Variants in MBD5 observed in about 807,000 individuals in gnomAD.
MBD5 encodes the protein methyl-CpG binding domain protein 5, also known as methyl-CpG-binding domain protein 5.
A neutral mutation model predicts 117.3 loss-of-function variants in MBD5; 13 were observed. The observed-to-expected ratio is 0.11, with a 90% CI of 0.07 to 0.18. The LOEUF is 0.18. MBD5 is among the 10% of genes least tolerant of loss of function. MBD5 has a pLI of 1.00. For synonymous variants in MBD5, 727 were observed against 766.4 expected (o/e 0.95, Z 0.85); for missense variants, 1,879 against 2,093.8 (o/e 0.90, Z 2.00).
At chr2:148,232,914 C>T (rs1018924334) in intron 2 of MBD5, among the ~76,000 whole-genome samples, 3 of 151,968 alleles carry the variant, frequency 2.0e-5, no homozygotes, top group African/African-American at 7.2e-5. Context: ...AGGGAAAGAG[C>T]CCCAGCTAGA....
At chr2:148,175,741 T>C (rs908868802) in intron 1 of MBD5, among the ~76,000 whole-genome samples, 1 of 152,222 alleles carries the variant, frequency 6.6e-6, no homozygotes, top group Non-Finnish European at 1.5e-5. Flanking sequence ...GGATAACTTA[T>C]GTAATCTATG....
chr2:148,412,957 C>A (rs1290759212), intron 4 of MBD5, among the ~76,000 whole-genome samples: 1 of 152,074 alleles, frequency 6.6e-6, no homozygotes. Flanking sequence ...ATTTCTTTCT[C>A]TTGCCTGATT....
At chr2:148,256,521 G>T (rs1381717672) in intron 3 of MBD5, among the ~76,000 whole-genome samples, 1 of 152,244 alleles carries the variant, frequency 6.6e-6, no homozygotes, top group African/African-American at 2.4e-5. Context: ...TAACCACAAA[G>T]TTAAGCCTTG....
At position 148,498,536 on chromosome 2, in the gene MBD5, C is replaced by A. The variant is rs188778198; in HGVS notation, c.4963-3900C>A. 5.6e-3 allele frequency among the ~76,000 whole-genome samples: 850 copies of A among 152,242 alleles called. 4 individuals are homozygous for A. Among genetic ancestry groups the A allele is most frequent in the Non-Finnish European group, 8.8e-3 (600 of 68,024 alleles). ...TATTTTTAGTAAAGACAGAGTTTTA[C>A]CATGTTGGCCAGGCTGGTCTGGAAC... On this transcript the variant is annotated intron_variant, in intron 11 of 13. Coordinates refer to ENST00000642680, the MANE Select transcript of MBD5 (RefSeq NM_001378120.1).
At chr2:148,100,174 T>A (rs1490652065) in intron 1 of MBD5, among the ~76,000 whole-genome samples, 2 of 152,214 alleles carry the variant, frequency 1.3e-5, no homozygotes, top group South Asian at 4.1e-4. Flanking sequence ...AGAGTGAGTG[T>A]TGGGTCACTG....
chr2:148,413,523 T>G (rs1328877307), intron 4 of MBD5, among the ~76,000 whole-genome samples: 2 of 151,470 alleles, frequency 1.3e-5, no homozygotes, highest in African/African-American at 4.8e-5. Flanking sequence ...TTTTTTTTTT[T>G]TGGAGTAATT....
intron 1 of MBD5, among the ~76,000 whole-genome samples, chr2:148,048,567 C>A (rs1007476897): frequency 1.3e-5 from 2 of 152,060 alleles, no homozygotes; most frequent in African/African-American, 4.8e-5. Context: ...CTTCAGGGAG[C>A]ACTGACCTGA....
At chr2:148,424,176 T>G (rs370422109) in intron 4 of MBD5, among the ~76,000 whole-genome samples, 1 of 21,966 alleles carries the variant, frequency 4.6e-5, no homozygotes, top group African/African-American at 1.2e-4. Context: ...AGACTCTGTC[T>G]CAAAAAAAAA....
chr2:148,486,973 C>T (rs1323863334), intron 10 of MBD5, among the ~76,000 whole-genome samples: 3 of 152,100 alleles, frequency 2.0e-5, no homozygotes, highest in African/African-American at 7.2e-5. Flanking sequence ...CAAATGTGAA[C>T]AAACAAGCAC....
At chr2:148,280,131 CA>C (rs3076398) in intron 3 of MBD5, among the ~76,000 whole-genome samples, 3,438 of 91,866 alleles carry the variant, frequency 0.037, 74 homozygotes, top group African/African-American at 0.12. Context: ...AAACTAACTG[CA>C]AAAAAAAAAA....
intron 3 of MBD5, among the ~76,000 whole-genome samples, chr2:148,325,046 G>C (rs184062092): frequency 9.2e-5 from 14 of 152,042 alleles, no homozygotes; most frequent in East Asian, 3.9e-4. Flanking sequence ...TAGCATGAAG[G>C]GTTGTTGAAT....
chr2:148,437,871 G>C (rs1322362656), intron 4 of MBD5, among the ~76,000 whole-genome samples: 1 of 152,126 alleles, frequency 6.6e-6, no homozygotes, highest in African/African-American at 2.4e-5. Flanking sequence ...CTTTTGATGA[G>C]ATTAATCAAA....
chr2:148,206,593 T>A lies in MBD5; in HGVS notation c.-830-26652T>A, dbSNP rs142914211. Among the ~76,000 whole-genome samples the A allele has an allele frequency of 3.3e-5, 5 of 152,268 alleles. 1 individual carries two copies. In the East Asian group the frequency reaches 7.7e-4, roughly 24 times the overall value. On this transcript the variant is annotated intron_variant, in intron 2 of 13. Transcript: ENST00000642680. ...GTATTTTTGTACCCGTTAACCAGTC[T>A]CTCTCCATCTCCCCTCCCCACTGCC...
At chr2:148,044,373 A>G (rs1330495157) in intron 1 of MBD5, 1 of 152,192 alleles carries the variant, frequency 6.6e-6, no homozygotes, top group African/African-American at 2.4e-5. Flanking sequence ...TTAAGCAGAA[A>G]CATTTTTATA....
At chr2:148,108,428 T>C (rs888129723) in intron 1 of MBD5, among the ~76,000 whole-genome samples, 1 of 152,126 alleles carries the variant, frequency 6.6e-6, no homozygotes, top group Non-Finnish European at 1.5e-5. Context: ...GCTACTGTTA[T>C]TATGATCAAT....
intron 3 of MBD5, among the ~76,000 whole-genome samples, chr2:148,265,457 G>A (rs918093486): frequency 4.6e-5 from 7 of 152,108 alleles, no homozygotes; most frequent in African/African-American, 1.7e-4. Context: ...CTGTTCCATG[G>A]ATGTATCATA....
chr2:148,455,704 A>T (rs2105514304), intron 4 of MBD5, among the ~76,000 whole-genome samples: 1 of 152,012 alleles, frequency 6.6e-6, no homozygotes, highest in East Asian at 1.9e-4. Context: ...AAATTACTTA[A>T]TGGAGTGAGC....
intron 2 of MBD5, among the ~76,000 whole-genome samples, chr2:148,205,711 A>G (rs1699260546): frequency 6.6e-6 from 1 of 152,190 alleles, no homozygotes; most frequent in South Asian, 2.1e-4. Flanking sequence ...AACAGTACCA[A>G]TGATATTTTT....
At chr2:148,055,043 G>T (rs1166373169) in intron 1 of MBD5, 1 of 152,076 alleles carries the variant, frequency 6.6e-6, no homozygotes, top group East Asian at 1.9e-4. Context: ...ATTTTTATAT[G>T]TATATAATGC....
Sources: allele counts gnomAD v4.1 joint callset (sites outside exome capture counted in the v4.1 genomes callset), GRCh38; gene constraint gnomAD v4.1.1; transcripts MANE v1.5; gene names NCBI Gene and HGNC (gene_info 2026-07-23, HGNC 2026-07-21).